SLC38A1: variants seen among roughly 807,000 people sequenced by gnomAD.
The protein encoded by SLC38A1 is solute carrier family 38 member 1, also known as sodium-coupled neutral amino acid symporter 1.
A neutral mutation model predicts 60.3 loss-of-function variants in SLC38A1; 18 were observed. The observed-to-expected ratio is 0.30, with a 90% CI of 0.21 to 0.44. The LOEUF (loss-of-function observed/expected upper bound fraction) is 0.44. Ranked by LOEUF, SLC38A1 falls within the 20% of genes least tolerant of loss-of-function variation. The pLI is 1.00. For synonymous variants in SLC38A1, 196 were observed against 212.1 expected (o/e 0.92, Z 0.66); for missense variants, 448 against 587.2 (o/e 0.76, Z 2.45).
At chr12:46,213,287 T>C (rs1306573482) in intron 5 of SLC38A1, among the ~76,000 whole-genome samples, 1 of 152,248 alleles carries the variant, frequency 6.6e-6, no homozygotes, top group Non-Finnish European at 1.5e-5. Flanking sequence ...CTGGTGTGAA[T>C]GCTACTAGGC....
At position 46,229,613 on chromosome 12, in the gene SLC38A1, C is replaced by G; in HGVS notation, c.149G>C (p.Arg50Thr). Residue 50 changes from arginine to threonine, a missense_variant, in exon 4 of 17, where the codon AGA (arginine) becomes ACA (threonine). By Grantham distance (71) the Arg-to-Thr change is moderately conservative (BLOSUM62 -1). Transcript: ENST00000398637. Reference protein sequence around the residue: ...NSKFISDRESRRSLTNSHLEK... With the variant: ...NSKFISDRESTRSLTNSHLEK... Reference sequence around the variant, plus strand: ...CAAATGGCTGTTTGTGAGACTTCTTCTACTTTCACGATCAGAAATAAACTT... The same window carrying G: ...CAAATGGCTGTTTGTGAGACTTCTTGTACTTTCACGATCAGAAATAAACTT... 1 of 1,613,634 alleles carries G rather than the reference C, an allele frequency of 6.2e-7. No homozygotes were observed. The highest frequency in any genetic ancestry group is 8.5e-7 in the Non-Finnish European group (1 of 1,179,818).
At chr12:46,229,126 G>T in intron 5 of SLC38A1, 27 bp downstream of exon 5, 1 of 1,340,388 alleles carries the variant, frequency 7.5e-7, no homozygotes, top group African/African-American at 1.4e-5. Flanking sequence ...GTTTTAAAAT[G>T]GAAAGTACCG....
intron 3 of SLC38A1, among the ~76,000 whole-genome samples, chr12:46,232,518 T>C (rs1009940077): frequency 1.3e-5 from 2 of 152,248 alleles, no homozygotes; most frequent in African/African-American, 4.8e-5. Flanking sequence ...TTTTGAATCT[T>C]TCCACAGAAC....
At chr12:46,209,953 GT>G (rs1940079270) in intron 5 of SLC38A1, among the ~76,000 whole-genome samples, 1 of 152,106 alleles carries the variant, frequency 6.6e-6, no homozygotes, top group African/African-American at 2.4e-5. Flanking sequence ...AAAAAATCCA[GT>G]CCCCAGATGA....
rs542334152 is a variant in SLC38A1, at chr12:46,183,128, T to G, written c.*5842A>C. On this transcript the variant is annotated 3_prime_UTR_variant, in exon 17 of 17. Coordinates refer to ENST00000398637, the MANE Select transcript of SLC38A1 (RefSeq NM_030674.4). Reference sequence around the variant, plus strand: ...AACAGAGCAGTTATAGAACAGAACTTCTTATATTTCTTTATTTACACCACA... The same window carrying G: ...AACAGAGCAGTTATAGAACAGAACTGCTTATATTTCTTTATTTACACCACA... The G allele has an allele frequency of 6.6e-6, 1 of 152,610 alleles. No individual in the cohort carries two copies. The highest frequency in any genetic ancestry group is 2.4e-5 in the African/African-American group (1 of 41,530). 9.5% of individuals were successfully genotyped at this position (152,610 alleles called of 1,614,324 possible). A position where few individuals can be genotyped will look rare whatever the true frequency, so the allele number is the denominator to read the frequency against.
Position 46,204,522 on chromosome 12 carries a change from C to T in SLC38A1, c.705+10G>A, listed in dbSNP as rs1393646311. On this transcript the variant is annotated intron_variant, in intron 10 of 16. Coordinates refer to ENST00000398637, the MANE Select transcript of SLC38A1 (RefSeq NM_030674.4). ...ACAAAACCAAACCAACCATTGCAAT[C>T]AGCACTTACCACAATTAGGAAAAAA... 1 of 1,612,514 alleles carries T rather than the reference C, an allele frequency of 6.2e-7. No homozygotes were observed.
chr12:46,256,884 C>A (rs2138869914), intron 1 of SLC38A1, among the ~76,000 whole-genome samples: 1 of 152,354 alleles, frequency 6.6e-6, no homozygotes, highest in Non-Finnish European at 1.5e-5. Context: ...AAGGCTCAAA[C>A]TTGCCCCCAT....
intron 1 of SLC38A1, among the ~76,000 whole-genome samples, chr12:46,251,036 A>C (rs1941819545): frequency 6.6e-6 from 1 of 152,230 alleles, no homozygotes; most frequent in Admixed American, 6.5e-5. Flanking sequence ...CACATTGCCA[A>C]GACAATCTTA....
rs1375112310 is a variant in SLC38A1 at position 46,184,564 on chromosome 12, G to T, written c.*4406C>A. 1.3e-5 allele frequency: 2 copies of T among 152,102 alleles called. No homozygotes were observed. The highest frequency in any genetic ancestry group is 2.9e-5 in the Non-Finnish European group (2 of 68,012). The allele number at this position is 152,102 out of a possible 1,614,324, so 9.4% of individuals were successfully genotyped here. On this transcript the variant is annotated 3_prime_UTR_variant, in exon 17 of 17. Transcript: ENST00000398637. ...GACCTCCCCCCGACTCCAACTAAATGTGCCATAGTCCAACACTGTGCCTCA... is the reference window on the plus strand; with the variant it reads ...GACCTCCCCCCGACTCCAACTAAATTTGCCATAGTCCAACACTGTGCCTCA...
chr12:46,212,888 G>C (rs536193858), intron 5 of SLC38A1, among the ~76,000 whole-genome samples: 2 of 152,134 alleles, frequency 1.3e-5, no homozygotes, highest in Admixed American at 6.5e-5. Context: ...AATCACTGTC[G>C]CTACTTCTAT....
intron 16 of SLC38A1, among the ~76,000 whole-genome samples, chr12:46,191,358 C>T (rs936163348): frequency 2.0e-5 from 3 of 152,118 alleles, no homozygotes; most frequent in Admixed American, 1.3e-4. Context: ...AGTTTGAAGT[C>T]AGGTAGCATG....
chr12:46,191,479 G>T (rs1279940200), intron 16 of SLC38A1, among the ~76,000 whole-genome samples: 1 of 152,174 alleles, frequency 6.6e-6, no homozygotes, highest in Admixed American at 6.5e-5. Flanking sequence ...GAAAGTCAGT[G>T]GTAGATTGAT....
At chr12:46,235,345 T>C (rs914428272) in intron 3 of SLC38A1, among the ~76,000 whole-genome samples, 1 of 152,214 alleles carries the variant, frequency 6.6e-6, no homozygotes, top group Non-Finnish European at 1.5e-5. Context: ...TGGTTGAACT[T>C]AAATGACCTT....
intron 5 of SLC38A1, among the ~76,000 whole-genome samples, chr12:46,217,612 T>A (rs1177823737): frequency 1.3e-5 from 2 of 152,172 alleles, no homozygotes; most frequent in Non-Finnish European, 2.9e-5. Flanking sequence ...ATTAATAGAA[T>A]CCCTGTTTGA....
chr12:46,261,713 A>G (rs1324663035), intron 1 of SLC38A1, among the ~76,000 whole-genome samples: 1 of 152,222 alleles, frequency 6.6e-6, no homozygotes, highest in Admixed American at 6.5e-5. Context: ...AGAACTATAT[A>G]AACGGAAGGT....
At position 46,246,314 on chromosome 12, in the gene SLC38A1, T is replaced by C. The variant is rs1941615095; in HGVS notation, c.-208-3000A>G. On this transcript the variant is annotated intron_variant, in intron 1 of 16. Coordinates refer to ENST00000398637, the MANE Select transcript of SLC38A1 (RefSeq NM_030674.4). ...GGACATTCCCACTCAAATACTGCGT[T>C]TTTCCAAAGGTCTTAGCAAACAGCA... Among the ~76,000 whole-genome samples, 3 of 152,298 alleles carry C rather than the reference T, an allele frequency of 2.0e-5. No individual in the cohort carries two copies. The South Asian group carries it at 6.2e-4, about 32-fold the overall frequency.
chr12:46,193,223 T>G (rs1368732653), intron 16 of SLC38A1, among the ~76,000 whole-genome samples: 3 of 152,248 alleles, frequency 2.0e-5, no homozygotes, highest in African/African-American at 7.2e-5. Flanking sequence ...TTTTTCAGTT[T>G]CCATGTAGTT....
intron 1 of SLC38A1, among the ~76,000 whole-genome samples, chr12:46,247,204 G>A (rs1941651345): frequency 6.6e-6 from 1 of 152,204 alleles, no homozygotes; most frequent in Non-Finnish European, 1.5e-5. Context: ...GGCCAAAGTA[G>A]GCTTCAGAAG....
chr12:46,241,735 C>T (rs917956308), intron 2 of SLC38A1, among the ~76,000 whole-genome samples: 1 of 152,200 alleles, frequency 6.6e-6, no homozygotes, highest in Non-Finnish European at 1.5e-5. Context: ...CCCACTCTTA[C>T]CCCTTGGCCC....
Sources: allele counts gnomAD v4.1 joint callset (sites outside exome capture counted in the v4.1 genomes callset), GRCh38; gene constraint gnomAD v4.1.1; transcripts MANE v1.5; gene names NCBI Gene and HGNC (gene_info 2026-07-23, HGNC 2026-07-21).